ST7: variants seen among roughly 807,000 people sequenced by gnomAD.
ST7 encodes the protein suppressor of tumorigenicity 7 protein.
ST7 carries 28 observed loss-of-function variants against 78.7 expected under a neutral mutation model. The observed-to-expected ratio is 0.36, with a 90% CI of 0.26 to 0.49. ST7 has a LOEUF of 0.49. ST7 is among the 20% of genes least tolerant of loss of function. The pLI, the probability that ST7 is intolerant of heterozygous loss-of-function variation, is 0.99. For missense variants in ST7, 418 were observed against 696.0 expected, an observed-to-expected ratio of 0.60 and a Z score of 4.49; for synonymous variants, 247 against 249.6, an observed-to-expected ratio of 0.99 and a Z score of 0.10.
In ST7 at chr7:117,099,874, A is replaced by C. The variant is rs751227866; in HGVS notation, c.234+30A>C. On this transcript the variant is annotated intron_variant, in intron 2 of 15. Transcript: ENST00000323984. The stretch of plus-strand genomic sequence containing the variant: ...GTGGTGGAGTCCTTCTCATTTAAAA[A>C]CATGCTGATTAGTAATATGTGTATT... 3 of 1,554,628 alleles carry C rather than the reference A, an allele frequency of 1.9e-6. No individual in the cohort carries two copies. The East Asian group carries it at 6.7e-5, about 35-fold the overall frequency.
intron 1 of ST7, among the ~76,000 whole-genome samples, chr7:117,000,439 T>C (rs1292432146): frequency 6.6e-6 from 1 of 152,198 alleles, no homozygotes; most frequent in Admixed American, 6.5e-5. Context: ...AGCACAGGCT[T>C]TGAGATAACT....
Position 117,221,492 on chromosome 7 carries a change from A to G in ST7, c.1499-431A>G, listed in dbSNP as rs115406717. ...GATTTTTTAAATACAGGAAGGAAAA[A>G]ATATAGACGGGATACCTTTTTTCCC... On this transcript the variant is annotated intron_variant, in intron 14 of 15. Transcript: ENST00000323984. 8.1e-3 allele frequency among the ~76,000 whole-genome samples: 1,228 copies of G among 152,320 alleles called. 18 individuals carry two copies. Among genetic ancestry groups the G allele is most frequent in the African/African-American group, 0.028 (1,150 of 41,576 alleles).
chr7:117,091,784 T>C (rs1015751877), intron 1 of ST7, among the ~76,000 whole-genome samples: 1 of 152,178 alleles, frequency 6.6e-6, no homozygotes, highest in African/African-American at 2.4e-5. Context: ...TATCTCTCAG[T>C]TTCTGTGTCA....
chr7:117,001,674 A>G (rs887797504), intron 1 of ST7, among the ~76,000 whole-genome samples: 10 of 152,152 alleles, frequency 6.6e-5, no homozygotes, highest in Non-Finnish European at 1.0e-4. Context: ...TTTTTGATAC[A>G]GTTTAGTGTT....
intron 2 of ST7, among the ~76,000 whole-genome samples, chr7:117,117,687 A>G (rs1041573384): frequency 6.6e-6 from 1 of 152,166 alleles, no homozygotes; most frequent in African/African-American, 2.4e-5. Flanking sequence ...GGGGTGCCTC[A>G]TGGCAGCATG....
intron 9 of ST7, among the ~76,000 whole-genome samples, chr7:117,168,081 A>G (rs1268059333): frequency 6.6e-6 from 1 of 152,148 alleles, no homozygotes; most frequent in Non-Finnish European, 1.5e-5. Context: ...GGAAAGCTAG[A>G]TTTGCTAATT....
chr7:117,155,550 T>G (rs190131009), intron 9 of ST7, among the ~76,000 whole-genome samples: 1 of 152,252 alleles, frequency 6.6e-6, no homozygotes, highest in Admixed American at 6.5e-5. Context: ...AAGAAGTGGT[T>G]GGATTTGAGA....
chr7:117,214,737 A>G (rs1792554622), intron 13 of ST7, among the ~76,000 whole-genome samples: 1 of 152,082 alleles, frequency 6.6e-6, no homozygotes, highest in Non-Finnish European at 1.5e-5. Flanking sequence ...GTGAATGGCT[A>G]TCATATGGGT....
chr7:117,049,348 C>T (rs1417629357), intron 1 of ST7, among the ~76,000 whole-genome samples: 4 of 152,164 alleles, frequency 2.6e-5, no homozygotes, highest in East Asian at 1.9e-4. Context: ...CTTAATGGCA[C>T]CTGGGAACTC....
chr7:116,955,277 CAG>C (rs751588832), intron 1 of ST7: 3 of 342,310 alleles, frequency 8.8e-6, no homozygotes, highest in Non-Finnish European at 1.7e-5. Context: ...GCTGCTGTAA[CAG>C]AATACCACAG....
chr7:117,208,255 C>G (rs1016505808), intron 12 of ST7, among the ~76,000 whole-genome samples: 7 of 152,164 alleles, frequency 4.6e-5, no homozygotes, highest in Non-Finnish European at 8.8e-5. Context: ...GGCCAGAAAG[C>G]TCTTCTAGAA....
At chr7:117,106,293 C>T (rs1284598559) in intron 2 of ST7, among the ~76,000 whole-genome samples, 1 of 152,216 alleles carries the variant, frequency 6.6e-6, no homozygotes, top group Admixed American at 6.5e-5. Flanking sequence ...CCACCGCACC[C>T]GGCCAGGAAA....
chr7:117,220,284 G>A (rs1041028896), intron 14 of ST7, among the ~76,000 whole-genome samples: 2 of 152,186 alleles, frequency 1.3e-5, no homozygotes, highest in African/African-American at 2.4e-5. Context: ...GACCCAGTGC[G>A]AGATTTGTTA....
intron 1 of ST7, among the ~76,000 whole-genome samples, chr7:117,098,289 T>G (rs1801276974): frequency 6.6e-6 from 1 of 151,802 alleles, no homozygotes; most frequent in African/African-American, 2.4e-5. Context: ...TGCTGTCTCC[T>G]TGGCATCTTG....
At chr7:117,169,221 C>T (rs1584508199) in intron 9 of ST7, among the ~76,000 whole-genome samples, 1 of 151,388 alleles carries the variant, frequency 6.6e-6, no homozygotes, top group African/African-American at 2.4e-5. Flanking sequence ...CTGCAACCTC[C>T]ACCTCCTGGG....
intron 9 of ST7, among the ~76,000 whole-genome samples, chr7:117,153,874 G>T (rs1346701391): frequency 6.6e-6 from 1 of 152,094 alleles, no homozygotes; most frequent in Non-Finnish European, 1.5e-5. Context: ...GAGAGGTGAT[G>T]ATACCTAGAA....
intron 1 of ST7, among the ~76,000 whole-genome samples, chr7:117,016,062 A>G (rs780429792): frequency 6.6e-6 from 1 of 152,228 alleles, no homozygotes; most frequent in African/African-American, 2.4e-5. Flanking sequence ...TTGCTATTTA[A>G]AGGACTTCTG....
intron 14 of ST7, 23 bp from the exon 15 acceptor site, chr7:117,221,900 T>C: frequency 6.3e-7 from 1 of 1,596,766 alleles, no homozygotes; most frequent in African/African-American, 1.4e-5. Context: ...GCCCTGATAT[T>C]TCCCTTTTGG....
At chr7:117,008,978 T>G (rs1391743438) in intron 1 of ST7, among the ~76,000 whole-genome samples, 1 of 152,136 alleles carries the variant, frequency 6.6e-6, no homozygotes, top group East Asian at 1.9e-4. Context: ...ATAAATAAAG[T>G]TTTATTGGAA....
Sources: allele counts gnomAD v4.1 joint callset (sites outside exome capture counted in the v4.1 genomes callset), GRCh38; gene constraint gnomAD v4.1.1; transcripts MANE v1.5; gene names NCBI Gene and HGNC (gene_info 2026-07-23, HGNC 2026-07-21).